Variants in RELL1 observed in about 807,000 individuals in gnomAD.
RELL1 encodes the protein RELT-like protein 1.
In RELL1, 10 loss-of-function variants were observed where a neutral mutation model predicts 23.0. The observed-to-expected ratio is 0.43, with a 90% CI of 0.27 to 0.74. RELL1 has a LOEUF of 0.74. Among genes scored for constraint, RELL1 ranks in the 30% least tolerant of loss-of-function variants. The pLI is 0.19. For missense variants in RELL1, 315 were observed against 364.4 expected (o/e 0.86, Z 1.10); for synonymous variants, 146 against 146.8 (o/e 0.99, Z 0.04).
At chr4:37,587,380 G>A (rs1206636836), downstream of RELL1, among the ~76,000 whole-genome samples, 1 of 152,060 alleles carries the variant, frequency 6.6e-6, no homozygotes, top group Non-Finnish European at 1.5e-5. Flanking sequence ...ATCTTTGGGG[G>A]CCATTTTTCA....
downstream of RELL1, among the ~76,000 whole-genome samples, chr4:37,587,040 C>T (rs1461671206): frequency 6.6e-6 from 1 of 151,806 alleles, no homozygotes; most frequent in Non-Finnish European, 1.5e-5. Flanking sequence ...GTCACCGGGG[C>T]CACACTCTTT....
At chr4:37,618,442 T>C (rs1719648867) in intron 6 of RELL1, among the ~76,000 whole-genome samples, 1 of 152,166 alleles carries the variant, frequency 6.6e-6, no homozygotes, top group Non-Finnish European at 1.5e-5. Context: ...GTCACTATGT[T>C]GCCCAGGCTG....
chr4:37,646,430 G>C (rs570385080), intron 3 of RELL1, among the ~76,000 whole-genome samples: 1 of 152,286 alleles, frequency 6.6e-6, no homozygotes, highest in Admixed American at 6.5e-5. Flanking sequence ...GCTGCCAGTG[G>C]ACGGGGGAGG....
In RELL1 at chr4:37,613,139, A is replaced by AAAT. The variant is rs1261119235; in HGVS notation, c.*204_*206dup. The AAAT allele has an allele frequency of 5.3e-5, 8 of 152,230 alleles. No individual in the cohort carries two copies. The highest frequency in any genetic ancestry group is 1.9e-4 in the African/African-American group (8 of 41,464). 9.4% of individuals were successfully genotyped at this position (152,230 alleles called of 1,614,324 possible). A position where few individuals can be genotyped will look rare whatever the true frequency, so the allele number is the denominator to read the frequency against. On this transcript the variant is annotated 3_prime_UTR_variant, in exon 7 of 7. Coordinates refer to ENST00000454158, the MANE Select transcript of RELL1 (RefSeq NM_001085400.2). ...TCTTTCCTTCCCTGGAAGTATAATA[A>AAAT]AATTTTCAACAGACTCTTTCAACCA...
chr4:37,655,826 G>A (rs1721097398), intron 1 of RELL1, among the ~76,000 whole-genome samples: 1 of 152,266 alleles, frequency 6.6e-6, no homozygotes, highest in South Asian at 2.1e-4. Flanking sequence ...GTCTAGGACA[G>A]AAAGGAATGA....
At chr4:37,661,548 A>G (rs567878192) in intron 1 of RELL1, among the ~76,000 whole-genome samples, 8 of 152,286 alleles carry the variant, frequency 5.3e-5, no homozygotes, top group African/African-American at 1.9e-4. Flanking sequence ...TCAAAGTGCT[A>G]GGATTACAGG....
rs1443769806 is a variant in RELL1 at position 37,668,626 on chromosome 4, C to G, written c.88+17574G>C. ...CAAAGTGGCGAGATTGCAGCCTCTG[C>G]CCGGCCGCCACCCCGTCTGGGAAGT... is the stretch of plus-strand genomic sequence containing the variant. On this transcript the variant is annotated intron_variant, in intron 1 of 6. Coordinates refer to ENST00000454158, the MANE Select transcript of RELL1 (RefSeq NM_001085400.2). Among the ~76,000 whole-genome samples the G allele has an allele frequency of 3.2e-3, 494 of 152,252 alleles. 11 individuals are homozygous for G. Among genetic ancestry groups the G allele is most frequent in the Admixed American group, 0.031 (468 of 15,298 alleles).
At chr4:37,607,305 C>G (rs1342431472), downstream of RELL1, among the ~76,000 whole-genome samples, 1 of 152,110 alleles carries the variant, frequency 6.6e-6, no homozygotes, top group Non-Finnish European at 1.5e-5. Flanking sequence ...TAGTTGTGAT[C>G]ACTTTTTTAT....
intron 2 of RELL1, 76 bp downstream of exon 2, chr4:37,649,200 T>C (rs1315686895): frequency 8.6e-7 from 1 of 1,166,334 alleles, no homozygotes. Flanking sequence ...CTCAGAGAGA[T>C]GGAAAGCATA....
At chr4:37,635,458 T>C (rs1263982550) in intron 4 of RELL1, among the ~76,000 whole-genome samples, 1 of 151,964 alleles carries the variant, frequency 6.6e-6, no homozygotes, top group African/African-American at 2.4e-5. Flanking sequence ...AGACCTCGTC[T>C]CTGAAAAAAA....
chr4:37,651,566 G>GGAGGCAGTCAAATGCC (rs1720939389), intron 1 of RELL1, among the ~76,000 whole-genome samples: 1 of 152,192 alleles, frequency 6.6e-6, no homozygotes, highest in South Asian at 2.1e-4. Flanking sequence ...GAGAGTGGCA[G>GGAGGCAGTCAAATGCC]GAGGCAGTCA....
chr4:37,668,854 G>A (rs1174655270), intron 1 of RELL1, among the ~76,000 whole-genome samples: 2 of 147,812 alleles, frequency 1.4e-5, no homozygotes, highest in African/African-American at 2.6e-5. Flanking sequence ...TGTGGGGAGC[G>A]CCTCTGCCCT....
intron 1 of RELL1, among the ~76,000 whole-genome samples, chr4:37,669,223 C>A (rs1236895835): frequency 8.3e-6 from 1 of 120,014 alleles, no homozygotes; most frequent in African/African-American, 4.2e-5. Context: ...CCGCCCCGTC[C>A]GGGAGGGAGG....
At chr4:37,638,573 C>T (rs1720416396) in intron 3 of RELL1, 69 bp from the exon 4 acceptor site, 2 of 1,178,692 alleles carry the variant, frequency 1.7e-6, no homozygotes, top group Non-Finnish European at 1.2e-6. Context: ...ATCAGAAAAG[C>T]TGTTGAAAAC....
chr4:37,668,733 G>A lies in RELL1; in HGVS notation c.88+17467C>T, dbSNP rs369356092. On this transcript the variant is annotated intron_variant, in intron 1 of 6. Transcript: ENST00000454158. The stretch of plus-strand genomic sequence containing the variant: ...GGCTGCCCAGTCTGGAAAGTGAGGA[G>A]CATCTCTGCCCGGCCGCCATCCCAT... 0.016 allele frequency among the ~76,000 whole-genome samples: 2,385 copies of A among 149,448 alleles called. 135 individuals carry two copies. The South Asian group carries it at 0.17, about 11-fold the overall frequency.
chr4:37,668,640 C>T (rs375364777), intron 1 of RELL1, among the ~76,000 whole-genome samples: 3 of 152,014 alleles, frequency 2.0e-5, no homozygotes, highest in Non-Finnish European at 4.4e-5. Flanking sequence ...GCCGCCACCC[C>T]GTCTGGGAAG....
chr4:37,620,879 T>C (rs991687297), intron 6 of RELL1, among the ~76,000 whole-genome samples: 4 of 152,214 alleles, frequency 2.6e-5, no homozygotes, highest in Non-Finnish European at 4.4e-5. Flanking sequence ...CCTAACCTAT[T>C]TTGTACTTAC....
rs1204496238 is a variant in RELL1 at position 37,612,320 on chromosome 4, G to A, written c.*1026C>T. On this transcript the variant is annotated 3_prime_UTR_variant, in exon 7 of 7. Coordinates refer to ENST00000454158, the MANE Select transcript of RELL1 (RefSeq NM_001085400.2). Reference sequence around the variant, plus strand: ...TTAACCAAGAATCGCTCAGCTAAAGGTTAAAAAAAAAAAAAAAACAAAAAA... The same window carrying A: ...TTAACCAAGAATCGCTCAGCTAAAGATTAAAAAAAAAAAAAAAACAAAAAA... 3.8e-5 allele frequency among the ~76,000 whole-genome samples: 2 copies of A among 52,228 alleles called. No individual in the cohort carries two copies. Among genetic ancestry groups the A allele is most frequent in the Non-Finnish European group, 9.3e-5 (2 of 21,510 alleles). The allele number at this position is 52,228 out of a possible 152,430, so 34.3% of individuals were successfully genotyped here.
At chr4:37,588,691 C>A, downstream of RELL1, 1 of 574,378 alleles carries the variant, frequency 1.7e-6, no homozygotes. Context: ...TCCTGGTAAC[C>A]AGCACCCTCT....
Sources: allele counts gnomAD v4.1 joint callset (sites outside exome capture counted in the v4.1 genomes callset), GRCh38; gene constraint gnomAD v4.1.1; transcripts MANE v1.5; gene names NCBI Gene and HGNC (gene_info 2026-07-23, HGNC 2026-07-21).